The following CFAP74 variants were observed in gnomAD, a reference collection of about 807,000 sequenced individuals.
CFAP74 encodes the protein cilia and flagella associated protein 74, also known as cilia- and flagella-associated protein 74.
Under a neutral mutation model 188.9 loss-of-function variants are expected in CFAP74, and 124 were observed. That is an observed-to-expected ratio of 0.66 (90% confidence interval 0.57 to 0.76). The LOEUF is 0.76. Ranked by LOEUF, CFAP74 falls within the 30% of genes least tolerant of loss-of-function variation. CFAP74 has a pLI of 0.00. For missense variants in CFAP74, 2,198 were observed against 2,165.2 expected, an observed-to-expected ratio of 1.02 and a Z score of -0.30; for synonymous variants, 956 against 916.7, an observed-to-expected ratio of 1.04 and a Z score of -0.77.
intron 6 of CFAP74, among the ~76,000 whole-genome samples, chr1:1,976,284 T>C (rs1570958816): frequency 6.6e-6 from 1 of 151,420 alleles, no homozygotes; most frequent in Non-Finnish European, 1.5e-5. Flanking sequence ...TGGTGGGAGG[T>C]GTTGGGGTCG....
At chr1:1,939,480 G>A in intron 24 of CFAP74, 114 bp downstream of exon 24, 1 of 1,048,098 alleles carries the variant, frequency 9.5e-7, no homozygotes. Context: ...CTGAGAGGCG[G>A]AAGTTGGGCC....
At position 1,955,678 on chromosome 1, in the gene CFAP74, C is replaced by T; in HGVS notation, c.2176+13G>A. 6.2e-7 allele frequency: 1 copy of T among 1,610,044 alleles called. No homozygotes were observed. Among genetic ancestry groups the T allele is most frequent in the East Asian group, 2.2e-5 (1 of 44,524 alleles). ...GCCCGCCCACCCTGGCTTGGCCTGG[C>T]AGCCTGGCTCACCTGCGGGCTGCTC... is the stretch of plus-strand genomic sequence containing the variant. On this transcript the variant is annotated intron_variant, in intron 18 of 38. Transcript: ENST00000682832.
At chr1:1,965,116 C>T in intron 12 of CFAP74, 55 bp from the exon 13 acceptor site, 3 of 1,546,054 alleles carry the variant, frequency 1.9e-6, no homozygotes, top group Non-Finnish European at 2.6e-6. Context: ...CTGGGCGGCG[C>T]CGGTGGCAGC....
At chr1:1,927,194 G>C (rs1382272516) in intron 28 of CFAP74, 166 bp from the exon 29 acceptor site, 4 of 747,876 alleles carry the variant, frequency 5.3e-6, no homozygotes, top group Non-Finnish European at 8.5e-6. Context: ...TCTGGCTCCT[G>C]TGGGGGTCTC....
chr1:1,948,907 CTT>C (rs1653978190), intron 18 of CFAP74, among the ~76,000 whole-genome samples: 1 of 44,510 alleles, frequency 2.2e-5, no homozygotes. Context: ...CCTTCCCTTC[CTT>C]CCTTCCCTTT....
At position 1,930,245 on chromosome 1, in the gene CFAP74, C is replaced by A; in HGVS notation, c.3103G>T (p.Asp1035Tyr). ...QIKFAATALYDTSVATVYVIN... is the reference protein window; with the variant it reads ...QIKFAATALYYTSVATVYVIN... ...ACGTACACTGTAGCCACGGAGGTGT[C>A]GTATAGGGCCGTGGCGGCAAACTTG... The change falls in exon 26 of 39, where the codon GAC becomes TAC. Residue 1035 changes from aspartate to tyrosine, a missense_variant. Asp to Tyr is a radical substitution (Grantham distance 160). Transcript: ENST00000682832. The A allele has an allele frequency of 1.3e-6, 2 of 1,535,628 alleles. No individual in the cohort carries two copies. Among genetic ancestry groups the A allele is most frequent in the Non-Finnish European group, 1.7e-6 (2 of 1,146,692 alleles).
intron 16 of CFAP74, among the ~76,000 whole-genome samples, chr1:1,957,563 G>A (rs1429358377): frequency 1.3e-5 from 2 of 152,172 alleles, no homozygotes; most frequent in South Asian, 2.1e-4. Context: ...CAGGGGAGCC[G>A]AGGGTCTCGG....
chr1:1,996,732 C>A (rs1447283655), intron 1 of CFAP74, among the ~76,000 whole-genome samples: 1 of 151,736 alleles, frequency 6.6e-6, no homozygotes, highest in Non-Finnish European at 1.5e-5. Context: ...ACCAGCCTGA[C>A]CAACATGGTG....
rs1262393002 is a variant in CFAP74 at position 1,975,564 on chromosome 1, C to T, written c.501-1366G>A. Among the ~76,000 whole-genome samples, 1 of 152,078 alleles carries T rather than the reference C, an allele frequency of 6.6e-6. No individual in the cohort carries two copies. Among genetic ancestry groups the T allele is most frequent in the African/African-American group, 2.4e-5 (1 of 41,392 alleles). ...CACTGCATTTTAGAAACTGGGCATA[C>T]CATGTTCTTTGTTGGGGTAATTTTA... On this transcript the variant is annotated intron_variant, in intron 6 of 38. Coordinates refer to ENST00000682832, the MANE Select transcript of CFAP74 (RefSeq NM_001304360.2). This position sits in a 1 kb window ranked among gnomAD's most constrained non-coding sequence, Gnocchi z 4.5.
chr1:1,959,265 GT>G (rs1172910346), intron 15 of CFAP74, 56 bp from the exon 16 acceptor site: 1,469 of 1,085,652 alleles, frequency 1.4e-3, no homozygotes, highest in South Asian at 1.5e-3. Flanking sequence ...TGTGTGTTTT[GT>G]TTTTTTTTTG....
intron 14 of CFAP74, among the ~76,000 whole-genome samples, chr1:1,961,031 TGA>T (rs1358317405): frequency 2.0e-5 from 3 of 152,158 alleles, no homozygotes; most frequent in African/African-American, 7.2e-5. Flanking sequence ...TTTTTAGAAA[TGA>T]GAGACAGGGC....
chr1:1,944,538 G>T, intron 20 of CFAP74, 86 bp from the exon 21 acceptor site: 2 of 1,411,012 alleles, frequency 1.4e-6, no homozygotes, highest in East Asian at 2.5e-5. Flanking sequence ...CTCCCAGGAG[G>T]AACGTTTCAT....
rs780775748 is a variant in CFAP74, at chr1:1,923,741, G to C, written c.4389+34C>G. On this transcript the variant is annotated intron_variant, in intron 35 of 38. Coordinates refer to ENST00000682832, the MANE Select transcript of CFAP74 (RefSeq NM_001304360.2). This position sits in a 1 kb window ranked among gnomAD's most constrained non-coding sequence, Gnocchi z 6.3. ...CAAGGCCCTGCGTGGGGCCAGGGCC[G>C]GGCCGGGCTGAGCTTGCAGAGCCAG... 6.2e-7 allele frequency: 1 copy of C among 1,612,588 alleles called. No individual in the cohort carries two copies. Among genetic ancestry groups the C allele is most frequent in the Admixed American group, 1.7e-5 (1 of 59,988 alleles).
intron 6 of CFAP74, chr1:1,983,670 T>G (rs1657046469): frequency 6.6e-6 from 1 of 152,278 alleles, no homozygotes; most frequent in Non-Finnish European, 1.5e-5. Context: ...AGTTCGGAAT[T>G]GTTTCAAAAT....
At chr1:1,925,299 A>G (rs1651790774) in intron 33 of CFAP74, among the ~76,000 whole-genome samples, 1 of 148,280 alleles carries the variant, frequency 6.7e-6, no homozygotes, top group African/African-American at 2.5e-5. Context: ...CAAAGGCATG[A>G]GGGCACACGC....
intron 1 of CFAP74, among the ~76,000 whole-genome samples, chr1:2,000,137 C>A (rs1476076520): frequency 6.6e-6 from 1 of 151,884 alleles, no homozygotes; most frequent in Non-Finnish European, 1.5e-5. Flanking sequence ...GCACTCCAGC[C>A]TGGGCGACAG....
chr1:1,969,709 C>G (rs1006823416), intron 10 of CFAP74, among the ~76,000 whole-genome samples: 1 of 152,212 alleles, frequency 6.6e-6, no homozygotes, highest in South Asian at 2.1e-4. Flanking sequence ...AGGACCCCCC[C>G]GCCCAGGTGG....
intron 20 of CFAP74, among the ~76,000 whole-genome samples, chr1:1,946,003 T>C (rs1653740892): frequency 7.0e-6 from 1 of 143,538 alleles, no homozygotes; most frequent in Admixed American, 6.9e-5. Flanking sequence ...TGTGCATGTG[T>C]GCGGGACTGC....
At chr1:1,940,488 C>T (rs1191123252) in intron 22 of CFAP74, 85 bp from the exon 23 acceptor site, 4 of 935,656 alleles carry the variant, frequency 4.3e-6, no homozygotes, top group Admixed American at 2.8e-5. Context: ...GGTGCTTCTA[C>T]ATCCCGTGAG....
Sources: gnomAD v4.1 joint callset for allele counts (sites outside exome capture counted in the v4.1 genomes callset) on GRCh38, gnomAD v4.1.1 for gene constraint, Gnocchi (gnomAD v3.1) non-coding constraint, MANE v1.5 for transcripts, NCBI Gene and HGNC (gene_info 2026-07-23, HGNC 2026-07-21) for gene names.